CACHD1: variants seen among roughly 807,000 people sequenced by gnomAD.
CACHD1 encodes the protein VWFA and cache domain-containing protein 1.
CACHD1 carries 71 observed loss-of-function variants against 138.7 expected under a neutral mutation model. That is an observed-to-expected ratio of 0.51 (90% CI 0.42 to 0.62). The LOEUF is 0.62. CACHD1 is among the 20% of genes least tolerant of loss of function. CACHD1 has a pLI of 0.00. For missense variants in CACHD1, 1,389 were observed against 1,625.3 expected (o/e 0.85, Z 2.50); for synonymous variants, 578 against 591.5 (o/e 0.98, Z 0.33).
intron 4 of CACHD1, among the ~76,000 whole-genome samples, chr1:64,609,008 T>A (rs1428758911): frequency 6.6e-6 from 1 of 152,178 alleles, no homozygotes; most frequent in Non-Finnish European, 1.5e-5. Context: ...ATTGCAGTCT[T>A]CATTGAGAAA....
chr1:64,653,844 A>C lies in CACHD1; in HGVS notation c.1627A>C (p.Ile543Leu). The C allele has an allele frequency of 6.2e-7, 1 of 1,613,322 alleles. No individual in the cohort carries two copies. Among genetic ancestry groups the C allele is most frequent in the Non-Finnish European group, 8.5e-7 (1 of 1,179,400 alleles). Residue 543 changes from isoleucine (I) to leucine (L), a missense_variant, in exon 11 of 27, where the codon ATT (isoleucine) becomes CTT (leucine). By Grantham distance (5) the Ile-to-Leu change is conservative (BLOSUM62 2). Around this residue, in one of 5 missense-constraint regions of CACHD1, gnomAD observed 1,000 missense variants for 1,114.7 expected, o/e 0.90. Transcript: ENST00000651257. ...LHTDIIHYEN[I>L]PKFELVRQNI... is the part of the protein sequence containing the mutation. ...TACTGACATCATACATTATGAAAAT[A>C]TTCCAAAATTTGAATTAGTTCGGCA...
chr1:64,516,537 G>GA (rs952039137), intron 1 of CACHD1, among the ~76,000 whole-genome samples: 1 of 152,058 alleles, frequency 6.6e-6, no homozygotes, highest in Non-Finnish European at 1.5e-5. Flanking sequence ...TGTCACGTTG[G>GA]AAAAAAGGAA....
chr1:64,681,468 GT>G, intron 25 of CACHD1, 133 bp downstream of exon 25: 5 of 376,308 alleles, frequency 1.3e-5, no homozygotes, highest in Non-Finnish European at 1.9e-5. Context: ...TTTTTTAGTT[GT>G]TTTTTTCCAT....
chr1:64,667,465 A>T (rs1327663867), intron 16 of CACHD1, among the ~76,000 whole-genome samples: 1 of 152,190 alleles, frequency 6.6e-6, no homozygotes, highest in Non-Finnish European at 1.5e-5. Flanking sequence ...TTTGTAGGGT[A>T]TGGTATCTGT....
At chr1:64,624,117 T>G (rs1337105376) in intron 4 of CACHD1, among the ~76,000 whole-genome samples, 1 of 152,232 alleles carries the variant, frequency 6.6e-6, no homozygotes, top group African/African-American at 2.4e-5. Flanking sequence ...AGATTACTTC[T>G]GGGCCCACGG....
intron 7 of CACHD1, among the ~76,000 whole-genome samples, chr1:64,634,813 T>A (rs1186238250): frequency 6.6e-6 from 1 of 151,792 alleles, no homozygotes; most frequent in Non-Finnish European, 1.5e-5. Flanking sequence ...GCCAATATGG[T>A]GAAACCCCAT....
chr1:64,634,248 A>C lies in CACHD1; in HGVS notation c.994A>C (p.Lys332Gln), dbSNP rs764245231. The C allele has an allele frequency of 3.1e-6, 5 of 1,613,792 alleles. No homozygotes were observed. Among genetic ancestry groups the C allele is most frequent in the Non-Finnish European group, 4.2e-6 (5 of 1,179,910 alleles). Residue 332 changes from lysine (K) to glutamine (Q), a missense_variant, in exon 7 of 27, where the codon AAG becomes CAG. By Grantham distance (53) the Lys-to-Gln change is moderately conservative. Transcript: ENST00000651257. ...GATTCGAAGTACAAACAATAACACA[A>C]AGTTCCAAGCAAGTGAGTGCGTTCT... ...QLIRSTNNNT[K>Q]FQANTDMVII...
At chr1:64,516,961 C>T (rs1646463747) in intron 1 of CACHD1, among the ~76,000 whole-genome samples, 1 of 152,154 alleles carries the variant, frequency 6.6e-6, no homozygotes, top group South Asian at 2.1e-4. Flanking sequence ...CTGACTTCTC[C>T]ACTTACTAGC....
At chr1:64,567,806 A>C (rs1646894336) in intron 2 of CACHD1, among the ~76,000 whole-genome samples, 1 of 152,236 alleles carries the variant, frequency 6.6e-6, no homozygotes. Context: ...AAGATAAATA[A>C]TATGTCTAAA....
At chr1:64,483,127 A>G (rs1334304577) in intron 1 of CACHD1, among the ~76,000 whole-genome samples, 1 of 152,212 alleles carries the variant, frequency 6.6e-6, no homozygotes, top group Non-Finnish European at 1.5e-5. Flanking sequence ...AAGATTAAGA[A>G]TGTTTCAGGT....
chr1:64,591,692 G>A (rs1007776111), intron 3 of CACHD1, among the ~76,000 whole-genome samples: 1 of 152,154 alleles, frequency 6.6e-6, no homozygotes, highest in Non-Finnish European at 1.5e-5. Flanking sequence ...ACAACTAGAA[G>A]TAACTAGAAC....
intron 4 of CACHD1, among the ~76,000 whole-genome samples, chr1:64,606,463 G>C (rs1417105340): frequency 6.6e-6 from 1 of 152,112 alleles, no homozygotes; most frequent in Non-Finnish European, 1.5e-5. Context: ...GCTGGGAGTA[G>C]ATTAGGCCAG....
chr1:64,522,452 C>T (rs1198391765), intron 1 of CACHD1, among the ~76,000 whole-genome samples: 3 of 152,066 alleles, frequency 2.0e-5, no homozygotes, highest in Admixed American at 2.0e-4. Context: ...GGATTACAGG[C>T]ACATGCAACC....
chr1:64,473,384 A>G (rs907353393), intron 1 of CACHD1, among the ~76,000 whole-genome samples: 4 of 152,162 alleles, frequency 2.6e-5, no homozygotes, highest in African/African-American at 7.2e-5. Flanking sequence ...TGAGCCCCAC[A>G]TTCTCATCTG....
At chr1:64,519,009 A>T (rs1188034524) in intron 1 of CACHD1, among the ~76,000 whole-genome samples, 3 of 152,140 alleles carry the variant, frequency 2.0e-5, no homozygotes, top group African/African-American at 7.2e-5. Context: ...CAATACCTTG[A>T]ATTTCCCTTC....
chr1:64,686,054 A>T (rs1650361731), intron 26 of CACHD1, among the ~76,000 whole-genome samples: 1 of 152,202 alleles, frequency 6.6e-6, no homozygotes, highest in South Asian at 2.1e-4. Flanking sequence ...TCCTTAAAAG[A>T]GTAAAACAAA....
chr1:64,550,486 T>A (rs1487374344), intron 1 of CACHD1, 108 bp from the exon 2 acceptor site: 14 of 732,686 alleles, frequency 1.9e-5, no homozygotes, highest in Non-Finnish European at 2.9e-5. Flanking sequence ...TTTAATTAAA[T>A]TTTTTTTCTA....
At chr1:64,570,876 G>A (rs1419267650) in intron 2 of CACHD1, among the ~76,000 whole-genome samples, 2 of 151,888 alleles carry the variant, frequency 1.3e-5, no homozygotes, top group African/African-American at 4.8e-5. Context: ...GCGGGCGGGG[G>A]TGAGGGTGCT....
intron 8 of CACHD1, among the ~76,000 whole-genome samples, chr1:64,647,094 C>T (rs1648932297): frequency 6.6e-6 from 1 of 150,710 alleles, no homozygotes; most frequent in East Asian, 1.9e-4. Flanking sequence ...ATTAAATTTA[C>T]TTTTGTGCTA....
Sources: allele counts gnomAD v4.1 joint callset (sites outside exome capture counted in the v4.1 genomes callset), GRCh38; gene constraint gnomAD v4.1.1; regional missense constraint gnomAD v4.1.1; transcripts MANE v1.5; gene names NCBI Gene and HGNC (gene_info 2026-07-23, HGNC 2026-07-21).